UBXN8: variants seen among roughly 807,000 people sequenced by gnomAD.
The protein encoded by UBXN8 is UBX domain-containing protein 8.
In UBXN8, 27 loss-of-function variants were observed where a neutral mutation model predicts 32.1. The observed-to-expected ratio is 0.84, with a 90% CI of 0.62 to 1.16. The LOEUF (loss-of-function observed/expected upper bound fraction) is 1.16, where lower values mean the gene tolerates loss of function less well. Ranked by LOEUF, UBXN8 falls within the 50% of genes most tolerant of loss-of-function variation. The probability of loss-of-function intolerance (pLI) is 0.00; values close to 1 mark genes in which losing one functional copy is unlikely to be tolerated. For missense variants in UBXN8, 306 were observed against 311.4 expected, an observed-to-expected ratio of 0.98 and a Z score of 0.13; for synonymous variants, 109 against 111.8, an observed-to-expected ratio of 0.98 and a Z score of 0.16.
At position 30,766,279 on chromosome 8, in the gene UBXN8, TTTCTACTTCCTTTCCCAGAC is replaced by T; in HGVS notation, c.699_718del (p.Ser234AlafsTer47). The T allele has an allele frequency of 6.2e-7, 1 of 1,613,850 alleles. No individual in the cohort carries two copies. The highest frequency in any genetic ancestry group is 1.1e-5 in the South Asian group (1 of 91,054). On this transcript the variant is annotated frameshift_variant, in exon 8 of 8. Transcript: ENST00000265616. LOFTEE classifies it high-confidence loss of function. ...GGGTACCACATATCTCTATACAGCC[TTTCTACTTCCTTTCCCAGAC>T]GGCCTCTGGCAGTGGAGGGAGGCCA...
In UBXN8 at chr8:30,754,677, A is replaced by G; in HGVS notation, c.295A>G (p.Ile99Val). The G allele has an allele frequency of 2.6e-6, 4 of 1,553,662 alleles. No homozygotes were observed. Among genetic ancestry groups the G allele is most frequent in the Non-Finnish European group, 3.4e-6 (4 of 1,161,784 alleles). ...TTGTTTTCAACAGGCCAGCAGATAC[A>G]TAGAGAATGTTTTAAAACCTCACCA... Reference protein sequence around the residue: ...EAQGEKASRYIENVLKPHQEM... With the variant: ...EAQGEKASRYVENVLKPHQEM... The change falls in exon 4 of 8, where the codon ATA (isoleucine) becomes GTA (valine). Residue 99 changes from isoleucine (I) to valine (V), a missense_variant. Physicochemically the swap from Ile to Val is conservative, Grantham distance 29. Transcript: ENST00000265616.
At chr8:30,747,727 C>T (rs1254281492) in intron 1 of UBXN8, among the ~76,000 whole-genome samples, 1 of 137,102 alleles carries the variant, frequency 7.3e-6, no homozygotes, top group Non-Finnish European at 1.5e-5. Flanking sequence ...ACAGTTAATA[C>T]TGGCAAGTTG....
intron 3 of UBXN8, among the ~76,000 whole-genome samples, chr8:30,753,379 C>T (rs1023626070): frequency 3.3e-5 from 5 of 152,178 alleles, no homozygotes; most frequent in African/African-American, 1.2e-4. Flanking sequence ...GCCTCTGCCT[C>T]CCGAGTAGCT....
intron 1 of UBXN8, among the ~76,000 whole-genome samples, chr8:30,737,990 G>A (rs1805104594): frequency 6.6e-6 from 1 of 152,050 alleles, no homozygotes; most frequent in South Asian, 2.1e-4. Context: ...CGGGCACGGT[G>A]GCTCATGCCT....
intron 6 of UBXN8, among the ~76,000 whole-genome samples, chr8:30,762,470 T>C (rs1028323388): frequency 6.6e-6 from 1 of 152,160 alleles, no homozygotes; most frequent in Non-Finnish European, 1.5e-5. Context: ...CTCGGCTCTC[T>C]GAAACCTCTG....
chr8:30,737,792 G>C (rs1384508798), intron 1 of UBXN8, among the ~76,000 whole-genome samples: 2 of 152,038 alleles, frequency 1.3e-5, no homozygotes, highest in African/African-American at 2.4e-5. Context: ...AGGCTGCAGT[G>C]AGCCGTGATT....
upstream of UBXN8, among the ~76,000 whole-genome samples, chr8:30,731,615 T>G (rs1244742873): frequency 1.3e-5 from 2 of 151,638 alleles, no homozygotes; most frequent in African/African-American, 4.8e-5. Context: ...GAGACTTTTG[T>G]TAACTGAGCC....
At chr8:30,730,422 C>T (rs1804923814), upstream of UBXN8, among the ~76,000 whole-genome samples, 1 of 152,180 alleles carries the variant, frequency 6.6e-6, no homozygotes, top group Non-Finnish European at 1.5e-5. Flanking sequence ...TGATTGCCAC[C>T]AGTTGCTCAT....
At chr8:30,765,683 G>T (rs2128757426) in intron 7 of UBXN8, among the ~76,000 whole-genome samples, 1 of 150,720 alleles carries the variant, frequency 6.6e-6, no homozygotes, top group Admixed American at 6.6e-5. Flanking sequence ...CCTCCTGAGG[G>T]CCTGGGATTA....
rs146588016 is a variant in UBXN8 at position 30,766,526 on chromosome 8, C to T, written c.*132C>T. 1.1e-3 allele frequency: 957 copies of T among 903,838 alleles called. No homozygotes were observed. Among genetic ancestry groups the T allele is most frequent in the Non-Finnish European group, 1.3e-3 (856 of 638,550 alleles). The allele number at this position is 903,838 out of a possible 1,614,324, so 56.0% of individuals were successfully genotyped here. ...GCAGTAAACTTTGAACATTGATATCCATGGGAATAGGATTAGAAAAGGATT... is the reference window on the plus strand; with the variant it reads ...GCAGTAAACTTTGAACATTGATATCTATGGGAATAGGATTAGAAAAGGATT... On this transcript the variant is annotated 3_prime_UTR_variant, in exon 8 of 8. Coordinates refer to ENST00000265616, the MANE Select transcript of UBXN8 (RefSeq NM_005671.4).
intron 2 of UBXN8, among the ~76,000 whole-genome samples, chr8:30,752,315 A>G (rs1005584734): frequency 2.0e-5 from 3 of 150,770 alleles, no homozygotes; most frequent in East Asian, 2.0e-4. Context: ...GCTTGTTTTT[A>G]GTTTTTTAAT....
intron 1 of UBXN8, among the ~76,000 whole-genome samples, chr8:30,749,732 A>G (rs112575656): frequency 0.11 from 16,277 of 151,754 alleles, 939 homozygotes; most frequent in South Asian, 0.14. Flanking sequence ...CAGCCTCCCA[A>G]GTAGCTGGGA....
chr8:30,741,454 C>CTTTTT (rs565066061), upstream of UBXN8, among the ~76,000 whole-genome samples: 49 of 116,700 alleles, frequency 4.2e-4, 3 homozygotes, highest in African/African-American at 1.3e-3. Flanking sequence ...AAGCAATGTT[C>CTTTTT]TTTTTTTTTT....
At position 30,763,267 on chromosome 8, in the gene UBXN8, C is replaced by T. The variant is rs1805906497; in HGVS notation, c.571-6C>T. The T allele has an allele frequency of 6.2e-7, 1 of 1,613,532 alleles. No homozygotes were observed. Among genetic ancestry groups the T allele is most frequent in the Non-Finnish European group, 8.5e-7 (1 of 1,179,606 alleles). On this transcript the variant is annotated splice_region_variant and splice_polypyrimidine_tract_variant and intron_variant, in intron 6 of 7. Coordinates refer to ENST00000265616, the MANE Select transcript of UBXN8 (RefSeq NM_005671.4). Reference sequence around the variant, plus strand: ...CGGAGTTCTTATGTGAATATTTCTTCCTTAGGTAGTTACTGTTGCTCTCCG... The same window carrying T: ...CGGAGTTCTTATGTGAATATTTCTTTCTTAGGTAGTTACTGTTGCTCTCCG...
At chr8:30,766,104 C>G in intron 7 of UBXN8, 123 bp from the exon 8 acceptor site, 1 of 911,500 alleles carries the variant, frequency 1.1e-6, no homozygotes, top group Non-Finnish European at 1.5e-6. Context: ...TATGAAACTT[C>G]TGTCTCATTA....
Position 30,765,745 on chromosome 8 carries a change from C to T in UBXN8, c.646-482C>T, listed in dbSNP as rs188241924. 2.6e-3 allele frequency among the ~76,000 whole-genome samples: 402 copies of T among 151,978 alleles called. 5 individuals carry two copies. Among genetic ancestry groups the T allele is most frequent in the African/African-American group, 8.7e-3 (362 of 41,484 alleles). On this transcript the variant is annotated intron_variant, in intron 7 of 7. Transcript: ENST00000265616. ...ATTTTTGGCTGGGCGCAGTGGCTCACGGCCATAATCCCAGCACTTCGGGAG... is the reference window on the plus strand; with the variant it reads ...ATTTTTGGCTGGGCGCAGTGGCTCATGGCCATAATCCCAGCACTTCGGGAG...
chr8:30,745,113 A>G (rs1372900031), intron 1 of UBXN8, among the ~76,000 whole-genome samples: 2 of 152,228 alleles, frequency 1.3e-5, no homozygotes, highest in Non-Finnish European at 2.9e-5. Context: ...TGCTTTGGAC[A>G]GAAGCTATGG....
chr8:30,743,175 G>C (rs1805253633), upstream of UBXN8, among the ~76,000 whole-genome samples: 2 of 111,212 alleles, frequency 1.8e-5, no homozygotes, highest in African/African-American at 7.2e-5. Context: ...TTTTTTTTTT[G>C]AGACGGGGTC....
chr8:30,729,175 G>A (rs202105371), upstream of UBXN8, among the ~76,000 whole-genome samples: 9,130 of 152,226 alleles, frequency 0.06, 772 homozygotes, highest in African/African-American at 0.19. Flanking sequence ...ATCCCTGCGG[G>A]GAACTCCCGC....
Sources: gnomAD v4.1 joint callset for allele counts (sites outside exome capture counted in the v4.1 genomes callset) on GRCh38, gnomAD v4.1.1 for gene constraint, MANE v1.5 for transcripts, NCBI Gene and HGNC (gene_info 2026-07-23, HGNC 2026-07-21) for gene names.